Variants in KIF17 observed in about 807,000 individuals in gnomAD.
KIF17 encodes kinesin-like protein KIF17.
KIF17 carries 80 observed loss-of-function variants against 96.8 expected under a neutral mutation model. That is an observed-to-expected ratio of 0.83 (90% CI 0.69 to 1.00). KIF17 has a LOEUF of 1.00. Among genes scored for constraint, KIF17 ranks in the 50% least tolerant of loss-of-function variants. The pLI is 0.00. For missense variants in KIF17, 1,280 were observed against 1,372.9 expected, an observed-to-expected ratio of 0.93 and a Z score of 1.07; for synonymous variants, 567 against 587.5, an observed-to-expected ratio of 0.97 and a Z score of 0.51.
intron 1 of KIF17, among the ~76,000 whole-genome samples, chr1:20,716,770 G>A (rs950536035): frequency 1.3e-5 from 2 of 152,200 alleles, no homozygotes; most frequent in African/African-American, 4.8e-5. Context: ...TTCATTCATC[G>A]CTGTTTCTAT....
Position 20,704,396 on chromosome 1 carries a change from G to A in KIF17, c.1123+51C>T, listed in dbSNP as rs1404875460. On this transcript the variant is annotated intron_variant, in intron 5 of 14. Coordinates refer to ENST00000400463, the MANE Select transcript of KIF17 (RefSeq NM_001122819.3). The surrounding 1 kb of genome is among the most constrained non-coding windows in gnomAD (Gnocchi z 6.8). ...GAGGCGAGAAGACAGAGGGAAGGAAGCTTTCTCCTGGGGACCTGGCCCTCC... is the reference window on the plus strand; with the variant it reads ...GAGGCGAGAAGACAGAGGGAAGGAAACTTTCTCCTGGGGACCTGGCCCTCC... 6.8e-7 allele frequency: 1 copy of A among 1,467,622 alleles called. No individual in the cohort carries two copies. Among genetic ancestry groups the A allele is most frequent in the African/African-American group, 1.4e-5 (1 of 71,654 alleles). 90.9% of individuals were successfully genotyped at this position (1,467,622 alleles called of 1,614,324 possible). A position where few individuals can be genotyped will look rare whatever the true frequency, so the allele number is the denominator to read the frequency against.
intron 5 of KIF17, among the ~76,000 whole-genome samples, chr1:20,703,166 G>GATGA (rs1557600754): frequency 4.9e-5 from 4 of 80,970 alleles, no homozygotes; most frequent in Non-Finnish European, 9.3e-5. Context: ...GAAGGATGGA[G>GATGA]ATGGATGGAT....
Position 20,709,373 on chromosome 1 carries a change from T to C in KIF17, c.670+266A>G, listed in dbSNP as rs2054396504. ...CAGCCTGGGTGACAGGGTGACACTT[T>C]GTCTCAAAAAACAAATAAATAAATA... is the stretch of plus-strand genomic sequence containing the variant. On this transcript the variant is annotated intron_variant, in intron 4 of 14. Coordinates refer to ENST00000400463, the MANE Select transcript of KIF17 (RefSeq NM_001122819.3). The surrounding 1 kb of genome is among the most constrained non-coding windows in gnomAD (Gnocchi z 4.7). 6.6e-6 allele frequency among the ~76,000 whole-genome samples: 1 copy of C among 152,144 alleles called. No homozygotes were observed. Among genetic ancestry groups the C allele is most frequent in the Admixed American group, 6.5e-5 (1 of 15,268 alleles).
At chr1:20,716,418 G>A (rs755548105) in intron 1 of KIF17, among the ~76,000 whole-genome samples, 2 of 152,230 alleles carry the variant, frequency 1.3e-5, no homozygotes, top group Admixed American at 6.5e-5. Context: ...GGTGATTCTC[G>A]TGGCGGGCTA....
rs1391544356 is a variant in KIF17, at chr1:20,717,564, G to C, written c.143C>G (p.Pro48Arg). Residue 48 changes from proline to arginine, a missense_variant, in exon 1 of 15, where the codon CCG (proline) becomes CGG (arginine). By Grantham distance (103) the Pro-to-Arg change is moderately radical. Coordinates refer to ENST00000400463, the MANE Select transcript of KIF17 (RefSeq NM_001122819.3). ...GCCGTCGAAGGTGAACTGCTTGGGC[G>C]GCTCGTCGGCGGCGCCCGGGTTCTG... ...CIQNPGAADEPPKQFTFDGAY... is the reference protein window; with the variant it reads ...CIQNPGAADERPKQFTFDGAY... 3.1e-6 allele frequency: 5 copies of C among 1,611,482 alleles called. No homozygotes were observed. The highest frequency in any genetic ancestry group is 2.7e-5 in the African/African-American group (2 of 74,904).
downstream of KIF17, among the ~76,000 whole-genome samples, chr1:20,662,072 C>T (rs777052034): frequency 6.6e-6 from 1 of 152,258 alleles, no homozygotes; most frequent in Non-Finnish European, 1.5e-5. Context: ...AGGACAGTTT[C>T]CCTGGCTGTA....
intron 6 of KIF17, chr1:20,692,953 T>C (rs1218097623): frequency 6.6e-6 from 1 of 152,130 alleles, no homozygotes; most frequent in African/African-American, 2.4e-5. Context: ...TTTGTATTTT[T>C]AGTAGAGACG....
downstream of KIF17, among the ~76,000 whole-genome samples, chr1:20,662,010 T>C (rs2053443381): frequency 6.6e-6 from 1 of 152,240 alleles, no homozygotes; most frequent in Admixed American, 6.5e-5. Flanking sequence ...GATGGTTCCA[T>C]TTCCAAGTTG....
In KIF17 at chr1:20,717,522, T is replaced by G; in HGVS notation, c.185A>C (p.His62Pro). ...CTCGTTGTAGATCTGCTCGGTGACG[T>G]GGTCCACGTGGTAGGCGCCGTCGAA... ...FTFDGAYHVD[H>P]VTEQIYNEIA... The change falls in exon 1 of 15, where the codon CAC becomes CCC. Residue 62 changes from histidine (H) to proline (P), a missense_variant. Transcript: ENST00000400463. 1 of 1,611,664 alleles carries G rather than the reference T, an allele frequency of 6.2e-7. No homozygotes were observed. The highest frequency in any genetic ancestry group is 8.5e-7 in the Non-Finnish European group (1 of 1,179,556).
At chr1:20,708,282 TCAC>T (rs1210436931) in intron 4 of KIF17, among the ~76,000 whole-genome samples, 4 of 152,166 alleles carry the variant, frequency 2.6e-5, no homozygotes, top group Admixed American at 6.5e-5. Flanking sequence ...CAAGGCCAGG[TCAC>T]CACACCAGCT....
chr1:20,688,094 T>G, intron 7 of KIF17, 150 bp from the exon 8 acceptor site: 332 of 610,720 alleles, frequency 5.4e-4, no homozygotes, highest in Middle Eastern at 9.2e-4. Context: ...TCGCCCGGGC[T>G]GGAGTGCAGT....
In KIF17 at chr1:20,685,303, C is replaced by T. The variant is rs2053917806; in HGVS notation, c.2020-283G>A. ...GCCAGGGCCATCTTAAAATAGAAAC[C>T]GATCACATCCCGTTCCCGATGAGCC... On this transcript the variant is annotated intron_variant, in intron 9 of 14. Coordinates refer to ENST00000400463, the MANE Select transcript of KIF17 (RefSeq NM_001122819.3). The surrounding 1 kb of genome is among the most constrained non-coding windows in gnomAD (Gnocchi z 4.1). 5 of 624,274 alleles carry T rather than the reference C, an allele frequency of 8.0e-6. No homozygotes were observed. The highest frequency in any genetic ancestry group is 6.4e-5 in the Admixed American group (3 of 47,152). The allele number at this position is 624,274 out of a possible 1,614,324, so 38.7% of individuals were successfully genotyped here.
Position 20,687,693 on chromosome 1 carries a change from C to A in KIF17, c.1633G>T (p.Glu545Ter). 3 of 1,614,178 alleles carry A rather than the reference C, an allele frequency of 1.9e-6. No individual in the cohort carries two copies. The highest frequency in any genetic ancestry group is 2.5e-6 in the Non-Finnish European group (3 of 1,180,042). ...SLGSSESSSL[E>*]ETSVSEAFPG... ...AAAGCCTCGGACACAGAGGTTTCTT[C>A]GAGCGAGGATGACTCACTGGAGCCC... is the stretch of plus-strand genomic sequence containing the variant. The change falls in exon 8 of 15, where the codon GAA becomes TAA. Residue 545 changes from glutamate (E) to a stop codon, truncating the protein, a stop_gained. Coordinates refer to ENST00000400463, the MANE Select transcript of KIF17 (RefSeq NM_001122819.3). LOFTEE classifies it high-confidence loss of function. This position sits in a 1 kb window ranked among gnomAD's most constrained non-coding sequence, Gnocchi z 4.4.
chr1:20,716,340 AG>A (rs1373563327), intron 1 of KIF17, among the ~76,000 whole-genome samples: 4 of 152,244 alleles, frequency 2.6e-5, no homozygotes, highest in African/African-American at 9.6e-5. Context: ...GCATGGGCAC[AG>A]GAAGCACTGC....
intron 6 of KIF17, among the ~76,000 whole-genome samples, chr1:20,695,762 C>T (rs886871348): frequency 2.0e-5 from 3 of 152,208 alleles, no homozygotes; most frequent in South Asian, 2.1e-4. Flanking sequence ...CTTCCTATAA[C>T]CTCGACTTCT....
At chr1:20,686,438 AG>A (rs1201392278) in intron 8 of KIF17, 7 of 494,502 alleles carry the variant, frequency 1.4e-5, no homozygotes, top group Non-Finnish European at 2.6e-5. Context: ...CACACAACCA[AG>A]GAAGTGGTAG....
chr1:20,687,706 C>T lies in KIF17; in HGVS notation c.1620G>A (p.Glu540=), dbSNP rs771849889. 27 of 1,614,100 alleles carry T rather than the reference C, an allele frequency of 1.7e-5. No individual in the cohort carries two copies. The highest frequency in any genetic ancestry group is 2.3e-5 in the Non-Finnish European group (27 of 1,180,044). The part of the protein sequence containing the change: ...SKSEISLGSS[E]SSSLEETSVS... ...CAGAGGTTTCTTCGAGCGAGGATGA[C>T]TCACTGGAGCCCAGAGAAATCTCAG... Residue 540 remains glutamate, a synonymous_variant, in exon 8 of 15, where the codon GAG becomes GAA. Transcript: ENST00000400463. The surrounding 1 kb of genome is among the most constrained non-coding windows in gnomAD (Gnocchi z 4.4).
chr1:20,676,970 G>A (rs541453889), intron 11 of KIF17, among the ~76,000 whole-genome samples: 2 of 152,182 alleles, frequency 1.3e-5, no homozygotes, highest in East Asian at 3.9e-4. Context: ...CAGCACTTTG[G>A]GAAGCCAAGG....
intron 10 of KIF17, among the ~76,000 whole-genome samples, chr1:20,683,254 A>G (rs551592539): frequency 2.0e-4 from 31 of 152,368 alleles, no homozygotes; most frequent in Non-Finnish European, 2.9e-4. Flanking sequence ...AAAATGTTCA[A>G]TACACTCAGC....
Sources: allele counts gnomAD v4.1 joint callset (sites outside exome capture counted in the v4.1 genomes callset), GRCh38; gene constraint gnomAD v4.1.1; non-coding constraint Gnocchi (gnomAD v3.1); transcripts MANE v1.5; gene names NCBI Gene and HGNC (gene_info 2026-07-23, HGNC 2026-07-21).